OR4X1: variants seen among roughly 807,000 people sequenced by gnomAD.
OR4X1 encodes the protein olfactory receptor family 4 subfamily X member 1.
For synonymous variants in OR4X1, 183 were observed against 142.6 expected, an observed-to-expected ratio of 1.28 and a Z score of -2.02; for missense variants, 509 against 368.1, an observed-to-expected ratio of 1.38 and a Z score of -3.13.
rs1315580656 is a variant in OR4X1, at chr11:48,264,419, T to C, written c.559T>C (p.Cys187Arg). 6.4e-7 allele frequency: 1 copy of C among 1,556,140 alleles called. No individual in the cohort carries two copies. The highest frequency in any genetic ancestry group is 8.7e-7 in the Non-Finnish European group (1 of 1,151,228). Residue 187 changes from cysteine (C) to arginine (R), a missense_variant, in exon 1 of 1, where the codon TGC becomes CGC. Cys to Arg is a radical substitution (Grantham distance 180). Transcript: ENST00000320048. Reference protein sequence around the residue: ...CDVHPVLELACADTFFISLLI... With the variant: ...CDVHPVLELARADTFFISLLI... ...TGTCCACCCAGTGCTGGAGCTGGCC[T>C]GCGCAGACACCTTCTTCATTAGCCT...
rs1021046330 is a variant in OR4X1 at position 48,264,081 on chromosome 11, T to G, written c.221T>G (p.Val74Gly). The change falls in exon 1 of 1, where the codon GTC becomes GGC. Residue 74 changes from valine (V) to glycine (G), a missense_variant. Coordinates refer to ENST00000320048, the MANE Select transcript of OR4X1 (RefSeq NM_001004726.1). ...LSFVEICYCS[V>G]MAPKLIFDSF... ...TTTGTGGAGATCTGCTACTGTTCTG[T>G]CATGGCCCCCAAGCTTATCTTTGAC... 8 of 1,614,026 alleles carry G rather than the reference T, an allele frequency of 5.0e-6. No individual in the cohort carries two copies. Among genetic ancestry groups the G allele is most frequent in the Middle Eastern group, 1.7e-4 (1 of 6,060 alleles).
rs777985313 is a variant in OR4X1 at position 48,264,448 on chromosome 11, G to C, written c.588G>C (p.Leu196=). 4.3e-6 allele frequency: 7 copies of C among 1,613,936 alleles called. No homozygotes were observed. Among genetic ancestry groups the C allele is most frequent in the Admixed American group, 1.7e-5 (1 of 60,004 alleles). ...ACADTFFISL[L]IITNGGSISV... The stretch of plus-strand genomic sequence containing the variant: ...CAGACACCTTCTTCATTAGCCTGCT[G>C]ATCATCACCAATGGCGGCTCCATCT... The change falls in exon 1 of 1, where the codon CTG becomes CTC. Residue 196 remains leucine (L), a synonymous_variant. Transcript: ENST00000320048.
chr11:48,264,014 G>T lies in OR4X1; in HGVS notation c.154G>T (p.Val52Leu), dbSNP rs763858240. The change falls in exon 1 of 1, where the codon GTG becomes TTG. Residue 52 changes from valine to leucine, a missense_variant. Physicochemically the swap from Val to Leu is conservative, Grantham distance 32 (BLOSUM62 1). Coordinates refer to ENST00000320048, the MANE Select transcript of OR4X1 (RefSeq NM_001004726.1). ...TGTGGTGACCATCCTGGCCAGCAAA[G>T]TGCTCACCTCCCCCATGTATTTCTT... ...LIVVTILASK[V>L]LTSPMYFFLS... 3.1e-6 allele frequency: 5 copies of T among 1,613,966 alleles called. No homozygotes were observed. The African/African-American group carries it at 4.0e-5, about 13-fold the overall frequency.
rs1423121522 is a variant in OR4X1 at position 48,264,149 on chromosome 11, A to G, written c.289A>G (p.Thr97Ala). The change falls in exon 1 of 1, where the codon ACA (threonine) becomes GCA (alanine). Residue 97 changes from threonine (T) to alanine (A), a missense_variant. Thr to Ala is a moderately conservative substitution (Grantham distance 58). Transcript: ENST00000320048. Reference sequence around the variant, plus strand: ...AGTCATTTCTCTCAAGGGCTGCCTCACACAGATGTTTTCCCTCCATTTCTT... The same window carrying G: ...AGTCATTTCTCTCAAGGGCTGCCTCGCACAGATGTTTTCCCTCCATTTCTT... The part of the protein sequence containing the change: ...RKVISLKGCL[T>A]QMFSLHFFGG... 2 of 1,613,964 alleles carry G rather than the reference A, an allele frequency of 1.2e-6. No homozygotes were observed. The highest frequency in any genetic ancestry group is 1.7e-6 in the Non-Finnish European group (2 of 1,180,002).
Position 48,263,957 on chromosome 11 carries a change from T to C in OR4X1, c.97T>C (p.Tyr33His), listed in dbSNP as rs1234385336. The change falls in exon 1 of 1, where the codon TAC becomes CAC. Residue 33 changes from tyrosine to histidine, a missense_variant. Transcript: ENST00000320048. ...CATTTCTGTGATGTTTCTCCTCATG[T>C]ACACAGCTGTTGTGCTGGGCAATGG... Reference protein sequence around the residue: ...RVISVMFLLMYTAVVLGNGLI... With the variant: ...RVISVMFLLMHTAVVLGNGLI... 1.9e-6 allele frequency: 3 copies of C among 1,613,798 alleles called. No individual in the cohort carries two copies. Among genetic ancestry groups the C allele is most frequent in the Non-Finnish European group, 2.5e-6 (3 of 1,179,800 alleles).
At position 48,264,646 on chromosome 11, in the gene OR4X1, C is replaced by G. The variant is rs767271106; in HGVS notation, c.786C>G (p.Thr262=). 1.3e-5 allele frequency: 21 copies of G among 1,613,910 alleles called. No individual in the cohort carries two copies. The highest frequency in any genetic ancestry group is 1.7e-5 in the Non-Finnish European group (20 of 1,179,926). ...TGGTCTATATTAGGCCCTGTGTCAC[C>G]CTCCCTGCAGACAAGATAGTTGCTG... is the stretch of plus-strand genomic sequence containing the variant. ...CSLVYIRPCV[T]LPADKIVAVF... is the part of the protein sequence containing the mutation. Residue 262 remains threonine, a synonymous_variant, in exon 1 of 1, where the codon ACC becomes ACG. Transcript: ENST00000320048.
chr11:48,264,729 C>G lies in OR4X1; in HGVS notation c.869C>G (p.Ala290Gly). The part of the protein sequence containing the change: ...LNPVIYSFRN[A>G]EVKNAMRRFI... ...CCTGTGATTTACTCCTTCAGGAATG[C>G]TGAAGTGAAAAATGCCATGAGGAGA... Residue 290 changes from alanine (A) to glycine (G), a missense_variant, in exon 1 of 1, where the codon GCT becomes GGT. Physicochemically the swap from Ala to Gly is moderately conservative, Grantham distance 60 (BLOSUM62 0). Coordinates refer to ENST00000320048, the MANE Select transcript of OR4X1 (RefSeq NM_001004726.1). 6.2e-7 allele frequency: 1 copy of G among 1,612,542 alleles called. No homozygotes were observed. The highest frequency in any genetic ancestry group is 8.5e-7 in the Non-Finnish European group (1 of 1,179,068).
At position 48,264,341 on chromosome 11, in the gene OR4X1, A is replaced by G; in HGVS notation, c.481A>G (p.Ile161Val). ...LLHSVGQTFL[I>V]FQLPFCGPNI... The stretch of plus-strand genomic sequence containing the variant: ...GCATTCTGTTGGGCAAACCTTCCTG[A>G]TTTTCCAGCTCCCGTTCTGTGGCCC... Residue 161 changes from isoleucine to valine, a missense_variant, in exon 1 of 1, where the codon ATT becomes GTT. Transcript: ENST00000320048. 3 of 1,613,838 alleles carry G rather than the reference A, an allele frequency of 1.9e-6. No homozygotes were observed. Among genetic ancestry groups the G allele is most frequent in the Non-Finnish European group, 2.5e-6 (3 of 1,179,942 alleles).
Position 48,264,007 on chromosome 11 carries a change from C to A in OR4X1, c.147C>A (p.Ala49=). The A allele has an allele frequency of 6.2e-7, 1 of 1,614,022 alleles. No homozygotes were observed. Among genetic ancestry groups the A allele is most frequent in the Non-Finnish European group, 8.5e-7 (1 of 1,179,942 alleles). The change falls in exon 1 of 1, where the codon GCC becomes GCA. Residue 49 remains alanine (A), a synonymous_variant. Transcript: ENST00000320048. ...GCCTCATTGTGGTGACCATCCTGGCCAGCAAAGTGCTCACCTCCCCCATGT... is the reference window on the plus strand; with the variant it reads ...GCCTCATTGTGGTGACCATCCTGGCAAGCAAAGTGCTCACCTCCCCCATGT... ...GNGLIVVTIL[A]SKVLTSPMYF...
chr11:48,264,231 T>A lies in OR4X1; in HGVS notation c.371T>A (p.Ile124Asn), dbSNP rs1565363996. 6.2e-7 allele frequency: 1 copy of A among 1,614,140 alleles called. No homozygotes were observed. Among genetic ancestry groups the A allele is most frequent in the Non-Finnish European group, 8.5e-7 (1 of 1,180,016 alleles). ...MVMAYDRYVA[I>N]CKPLHYMAIM... The stretch of plus-strand genomic sequence containing the variant: ...ATGGCCTATGACCGCTATGTGGCCA[T>A]CTGCAAGCCCTTGCACTACATGGCC... The change falls in exon 1 of 1, where the codon ATC (isoleucine) becomes AAC (asparagine). Residue 124 changes from isoleucine to asparagine, a missense_variant. Transcript: ENST00000320048.
In OR4X1 at chr11:48,263,992, G is replaced by T. The variant is rs376946664; in HGVS notation, c.132G>T (p.Val44=). 6.2e-7 allele frequency: 1 copy of T among 1,613,908 alleles called. No individual in the cohort carries two copies. Among genetic ancestry groups the T allele is most frequent in the Non-Finnish European group, 8.5e-7 (1 of 1,179,850 alleles). Residue 44 remains valine, a synonymous_variant, in exon 1 of 1, where the codon GTG becomes GTT. Transcript: ENST00000320048. ...TAVVLGNGLI[V]VTILASKVLT... is the part of the protein sequence containing the mutation. ...TTGTGCTGGGCAATGGCCTCATTGTGGTGACCATCCTGGCCAGCAAAGTGC... is the reference window on the plus strand; with the variant it reads ...TTGTGCTGGGCAATGGCCTCATTGTTGTGACCATCCTGGCCAGCAAAGTGC...
In OR4X1 at chr11:48,264,486, TC is replaced by T; in HGVS notation, c.627del (p.Phe210SerfsTer3). 1 of 1,614,144 alleles carries T rather than the reference TC, an allele frequency of 6.2e-7. No homozygotes were observed. Among genetic ancestry groups the T allele is most frequent in the Non-Finnish European group, 8.5e-7 (1 of 1,180,022 alleles). Reference protein sequence around the residue: ...TNGGSISVVSFFVLMASYLII... With the variant: ...TNGGSISVVSXFVLMASYLII... ...GGCGGCTCCATCTCCGTAGTCAGTT[TC>T]TTCGTGCTGATGGCTTCCTACCTGA... On this transcript the variant is annotated frameshift_variant, in exon 1 of 1. Coordinates refer to ENST00000320048, the MANE Select transcript of OR4X1 (RefSeq NM_001004726.1). LOFTEE classifies it low-confidence loss of function (END_TRUNC).
chr11:48,264,157 G>T lies in OR4X1; in HGVS notation c.297G>T (p.Met99Ile). ...VISLKGCLTQMFSLHFFGGTE... is the reference protein window; with the variant it reads ...VISLKGCLTQIFSLHFFGGTE... ...CTCTCAAGGGCTGCCTCACACAGAT[G>T]TTTTCCCTCCATTTCTTTGGTGGCA... Residue 99 changes from methionine (M) to isoleucine (I), a missense_variant, in exon 1 of 1, where the codon ATG (methionine) becomes ATT (isoleucine). Met to Ile is a conservative substitution (Grantham distance 10). Transcript: ENST00000320048. 6.2e-7 allele frequency: 1 copy of T among 1,614,124 alleles called. No individual in the cohort carries two copies. The highest frequency in any genetic ancestry group is 8.5e-7 in the Non-Finnish European group (1 of 1,180,012).
rs1010422371 is a variant in OR4X1 at position 48,264,392 on chromosome 11, G to T, written c.532G>T (p.Asp178Tyr). Residue 178 changes from aspartate (D) to tyrosine (Y), a missense_variant, in exon 1 of 1, where the codon GAT becomes TAT. Physicochemically the swap from Asp to Tyr is radical, Grantham distance 160. Transcript: ENST00000320048. ...CAACATCATGGACCACTACTTCTGTGATGTCCACCCAGTGCTGGAGCTGGC... is the reference window on the plus strand; with the variant it reads ...CAACATCATGGACCACTACTTCTGTTATGTCCACCCAGTGCTGGAGCTGGC... ...GPNIMDHYFC[D>Y]VHPVLELACA... 3 of 1,613,636 alleles carry T rather than the reference G, an allele frequency of 1.9e-6. No homozygotes were observed. The highest frequency in any genetic ancestry group is 2.7e-5 in the African/African-American group (2 of 74,928).
In OR4X1 at chr11:48,264,761, G is replaced by T; in HGVS notation, c.901G>T (p.Gly301Trp). 6.2e-7 allele frequency: 1 copy of T among 1,606,364 alleles called. No homozygotes were observed. Among genetic ancestry groups the T allele is most frequent in the South Asian group, 1.1e-5 (1 of 90,528 alleles). ...GAAAAATGCCATGAGGAGATTTATT[G>T]GGGGAAAAGTAATTTGAGAAGAGAA... ...EVKNAMRRFI[G>W]GKVI The change falls in exon 1 of 1, where the codon GGG (glycine) becomes TGG (tryptophan). Residue 301 changes from glycine to tryptophan, a missense_variant. Transcript: ENST00000320048.
chr11:48,264,774 T>C lies in OR4X1; in HGVS notation c.914T>C (p.Ile305Thr). Residue 305 changes from isoleucine to threonine, a missense_variant, in exon 1 of 1, where the codon ATT becomes ACT. Coordinates refer to ENST00000320048, the MANE Select transcript of OR4X1 (RefSeq NM_001004726.1). The stretch of plus-strand genomic sequence containing the variant: ...AGGAGATTTATTGGGGGAAAAGTAA[T>C]TTGAGAAGAGAAGTAGATGATTTAG... ...AMRRFIGGKV[I>T] 3 of 1,596,180 alleles carry C rather than the reference T, an allele frequency of 1.9e-6. No homozygotes were observed. The highest frequency in any genetic ancestry group is 2.6e-6 in the Non-Finnish European group (3 of 1,166,478).
At position 48,264,490 on chromosome 11, in the gene OR4X1, C is replaced by T. The variant is rs200969185; in HGVS notation, c.630C>T (p.Phe210=). 2.0e-5 allele frequency: 33 copies of T among 1,614,086 alleles called. No homozygotes were observed. The highest frequency in any genetic ancestry group is 1.6e-4 in the Middle Eastern group (1 of 6,062). ...GCTCCATCTCCGTAGTCAGTTTCTT[C>T]GTGCTGATGGCTTCCTACCTGATCA... ...NGGSISVVSF[F]VLMASYLIIL... Residue 210 remains phenylalanine (F), a synonymous_variant, in exon 1 of 1, where the codon TTC becomes TTT. Transcript: ENST00000320048.
rs1295690045 is a variant in OR4X1 at position 48,264,645 on chromosome 11, C to G, written c.785C>G (p.Thr262Ser). The G allele has an allele frequency of 1.2e-6, 2 of 1,614,028 alleles. No homozygotes were observed. The highest frequency in any genetic ancestry group is 3.3e-5 in the Admixed American group (2 of 60,020). The change falls in exon 1 of 1, where the codon ACC (threonine) becomes AGC (serine). Residue 262 changes from threonine (T) to serine (S), a missense_variant. Coordinates refer to ENST00000320048, the MANE Select transcript of OR4X1 (RefSeq NM_001004726.1). ...TTGGTCTATATTAGGCCCTGTGTCA[C>G]CCTCCCTGCAGACAAGATAGTTGCT... ...CSLVYIRPCV[T>S]LPADKIVAVF...
In OR4X1 at chr11:48,264,715, C is replaced by A. The variant is rs1290066260; in HGVS notation, c.855C>A (p.Tyr285Ter). The A allele has an allele frequency of 6.2e-7, 1 of 1,613,224 alleles. No individual in the cohort carries two copies. Among genetic ancestry groups the A allele is most frequent in the South Asian group, 1.1e-5 (1 of 91,018 alleles). Residue 285 changes from tyrosine to a stop codon, truncating the protein, a stop_gained, in exon 1 of 1, where the codon TAC (tyrosine) becomes TAA (stop). Coordinates refer to ENST00000320048, the MANE Select transcript of OR4X1 (RefSeq NM_001004726.1). LOFTEE classifies it low-confidence loss of function (END_TRUNC). ...VVTPLLNPVI[Y>*]SFRNAEVKNA... Reference sequence around the variant, plus strand: ...CACCTCTCTTAAACCCTGTGATTTACTCCTTCAGGAATGCTGAAGTGAAAA... The same window carrying A: ...CACCTCTCTTAAACCCTGTGATTTAATCCTTCAGGAATGCTGAAGTGAAAA...
Sources: gnomAD v4.1 joint callset for allele counts on GRCh38, gnomAD v4.1.1 for gene constraint, MANE v1.5 for transcripts, NCBI Gene and HGNC (gene_info 2026-07-23, HGNC 2026-07-21) for gene names.